Variants in GPC5 observed in about 807,000 individuals in gnomAD.
GPC5 encodes glypican-5.
In GPC5, 47 loss-of-function variants were observed where a neutral mutation model predicts 53.9. The ratio of observed to expected loss-of-function variants is 0.87; its 90% CI spans 0.69 to 1.11. The LOEUF is 1.11. GPC5 is among the 50% of genes most tolerant of loss of function. The pLI is 0.00. For missense variants in GPC5, 748 were observed against 713.1 expected (o/e 1.05, Z -0.56); for synonymous variants, 286 against 263.3 (o/e 1.09, Z -0.84).
intron 7 of GPC5, among the ~76,000 whole-genome samples, chr13:92,399,269 G>T (rs991239184): frequency 6.6e-6 from 1 of 152,096 alleles, no homozygotes; most frequent in Admixed American, 6.5e-5. Flanking sequence ...ATAAAATATA[G>T]ACCCTTAAAA....
intron 7 of GPC5, among the ~76,000 whole-genome samples, chr13:92,778,793 G>A: frequency 6.6e-6 from 1 of 151,896 alleles, no homozygotes; most frequent in South Asian, 2.1e-4. Context: ...CTATCTGTCT[G>A]CATTCATGCA....
chr13:92,477,360 T>C lies in GPC5; in HGVS notation c.1561+332371T>C, dbSNP rs1202993353. 3.9e-5 allele frequency among the ~76,000 whole-genome samples: 6 copies of C among 152,246 alleles called. No individual in the cohort carries two copies. The South Asian group carries it at 1.2e-3, about 32-fold the overall frequency. ...GCCACAAGAACTGAGCTCAATACTT[T>C]AGAGTCCTCAGCCCAGTATCTGATA... On this transcript the variant is annotated intron_variant, in intron 7 of 7. Transcript: ENST00000377067.
chr13:92,315,084 G>C (rs1175082510), intron 7 of GPC5, among the ~76,000 whole-genome samples: 2 of 152,112 alleles, frequency 1.3e-5, no homozygotes, highest in African/African-American at 2.4e-5. Flanking sequence ...GCCCAGAATA[G>C]TGTCCTCAAT....
At chr13:92,749,963 G>C (rs2139323280) in intron 7 of GPC5, among the ~76,000 whole-genome samples, 1 of 152,246 alleles carries the variant, frequency 6.6e-6, no homozygotes, top group East Asian at 1.9e-4. Context: ...TTCTCTCCCA[G>C]CCAGAGGCTG....
intron 7 of GPC5, among the ~76,000 whole-genome samples, chr13:92,268,188 T>G (rs1359492331): frequency 2.6e-5 from 4 of 152,044 alleles, no homozygotes; most frequent in Non-Finnish European, 5.9e-5. Context: ...TGTATATAGC[T>G]CACTGTATTT....
At chr13:92,561,590 A>G (rs986996096) in intron 7 of GPC5, among the ~76,000 whole-genome samples, 3 of 152,054 alleles carry the variant, frequency 2.0e-5, no homozygotes, top group African/African-American at 7.2e-5. Flanking sequence ...CACAGGTTAC[A>G]TGGTCATAAA....
chr13:91,828,765 A>G (rs550944497), intron 5 of GPC5, among the ~76,000 whole-genome samples: 1 of 152,196 alleles, frequency 6.6e-6, no homozygotes, highest in Non-Finnish European at 1.5e-5. Context: ...GTGCTTAATA[A>G]AGTAGGAATC....
At chr13:91,778,264 G>A (rs1383581985) in intron 5 of GPC5, among the ~76,000 whole-genome samples, 1 of 152,160 alleles carries the variant, frequency 6.6e-6, no homozygotes, top group East Asian at 1.9e-4. Flanking sequence ...TTCAGGCAGT[G>A]TTTTTATTAT....
chr13:92,780,189 A>G (rs1232328553), intron 7 of GPC5, among the ~76,000 whole-genome samples: 1 of 152,014 alleles, frequency 6.6e-6, no homozygotes, highest in Non-Finnish European at 1.5e-5. Flanking sequence ...CAGAATTTTT[A>G]TCATTTAAAA....
chr13:92,373,668 C>A (rs1389019417), intron 7 of GPC5, among the ~76,000 whole-genome samples: 4 of 152,168 alleles, frequency 2.6e-5, no homozygotes, highest in Non-Finnish European at 4.4e-5. Flanking sequence ...TTGAACATAT[C>A]TCATGGAAAA....
At chr13:92,578,519 A>G (rs1224282710) in intron 7 of GPC5, among the ~76,000 whole-genome samples, 2 of 152,178 alleles carry the variant, frequency 1.3e-5, no homozygotes, top group Non-Finnish European at 2.9e-5. Context: ...CAGGAGAACC[A>G]GGGAAGTCTG....
chr13:92,612,708 CA>C (rs1884479097), intron 7 of GPC5, among the ~76,000 whole-genome samples: 2 of 152,024 alleles, frequency 1.3e-5, no homozygotes. Context: ...ATTCTCCCAA[CA>C]GAATTCACCT....
intron 2 of GPC5, among the ~76,000 whole-genome samples, chr13:91,667,410 A>G (rs1163245301): frequency 2.6e-5 from 4 of 152,276 alleles, no homozygotes; most frequent in South Asian, 2.1e-4. Flanking sequence ...AGCTAAAACT[A>G]TAGTAGTTTT....
At chr13:92,020,256 A>T (rs1263990091) in intron 6 of GPC5, among the ~76,000 whole-genome samples, 1 of 152,110 alleles carries the variant, frequency 6.6e-6, no homozygotes, top group Non-Finnish European at 1.5e-5. Flanking sequence ...GCTGATTACC[A>T]AGCTTAATTC....
intron 7 of GPC5, among the ~76,000 whole-genome samples, chr13:92,599,754 C>A (rs367692938): frequency 4.6e-5 from 7 of 151,992 alleles, no homozygotes; most frequent in African/African-American, 1.7e-4. Context: ...AAGGAAGGAG[C>A]CTTCACTAAT....
intron 7 of GPC5, among the ~76,000 whole-genome samples, chr13:92,773,147 T>G (rs1344138486): frequency 6.6e-6 from 1 of 152,160 alleles, no homozygotes; most frequent in East Asian, 1.9e-4. Context: ...AGTAGCATTT[T>G]TCCAGAATTT....
At chr13:92,377,097 T>G (rs2043701358) in intron 7 of GPC5, among the ~76,000 whole-genome samples, 1 of 152,194 alleles carries the variant, frequency 6.6e-6, no homozygotes, top group South Asian at 2.1e-4. Flanking sequence ...TTTCAAACCT[T>G]AGTTCCTGAA....
chr13:92,283,682 C>A (rs1374155315), intron 7 of GPC5, among the ~76,000 whole-genome samples: 2 of 152,198 alleles, frequency 1.3e-5, no homozygotes, highest in Admixed American at 6.5e-5. Flanking sequence ...TAAAGATGTT[C>A]TTTGAAACCA....
At chr13:92,571,120 A>T (rs1351610373) in intron 7 of GPC5, among the ~76,000 whole-genome samples, 1 of 152,124 alleles carries the variant, frequency 6.6e-6, no homozygotes, top group Non-Finnish European at 1.5e-5. Flanking sequence ...TTGCATACAT[A>T]ATTTGAGAGG....
Sources: gnomAD v4.1 joint callset for allele counts (sites outside exome capture counted in the v4.1 genomes callset) on GRCh38, gnomAD v4.1.1 for gene constraint, MANE v1.5 for transcripts, NCBI Gene and HGNC (gene_info 2026-07-23, HGNC 2026-07-21) for gene names.